The following CASK variants were observed in gnomAD, a reference collection of about 807,000 sequenced individuals.
The protein encoded by CASK is peripheral plasma membrane protein CASK.
A neutral mutation model predicts 82.9 loss-of-function variants in CASK; 4 were observed. The observed-to-expected ratio is 0.05, with a 90% CI of 0.02 to 0.11. CASK has a LOEUF of 0.11. Among genes scored for constraint, CASK ranks in the 10% least tolerant of loss-of-function variants. The pLI is 1.00. For missense variants in CASK, 358 were observed against 720.9 expected, an observed-to-expected ratio of 0.50 and a Z score of 5.76; for synonymous variants, 259 against 253.5, an observed-to-expected ratio of 1.02 and a Z score of -0.20.
rs564509298 is a variant in CASK, at chrX:41,803,413, C to T, written c.173-16130G>A. ...GACCAGCGTGGCCAACATAGTGAAA[C>T]GCCATCTCTACTAAAAATATTAAAA... is the stretch of plus-strand genomic sequence containing the variant. On this transcript the variant is annotated intron_variant, in intron 2 of 26. Coordinates refer to ENST00000378163, the MANE Select transcript of CASK (RefSeq NM_001367721.1). 6.3e-5 allele frequency among the ~76,000 whole-genome samples: 7 copies of T among 110,925 alleles called. No homozygotes were observed. In the South Asian group the frequency reaches 1.5e-3, roughly 25 times the overall value.
At chrX:41,648,787 A>G (rs2147419444) in intron 8 of CASK, among the ~76,000 whole-genome samples, 1 of 111,349 alleles carries the variant, frequency 9.0e-6, no homozygotes, top group South Asian at 3.8e-4. Context: ...GTTAGGGAGG[A>G]TTCCCTCTTT....
chrX:41,663,077 A>T (rs949355622), intron 7 of CASK, among the ~76,000 whole-genome samples: 1 of 110,506 alleles, frequency 9.0e-6, no homozygotes, highest in Non-Finnish European at 1.9e-5. Context: ...AGCTCAAGTG[A>T]GCCCAGCTGA....
At chrX:41,815,040 AAC>A (rs939313968) in intron 2 of CASK, among the ~76,000 whole-genome samples, 5 of 111,338 alleles carry the variant, frequency 4.5e-5, no homozygotes, top group African/African-American at 1.6e-4. Flanking sequence ...GAGTAGAGAA[AAC>A]AGAGATTATG....
At chrX:41,746,616 AG>A (rs1362134398) in intron 3 of CASK, among the ~76,000 whole-genome samples, 1 of 112,037 alleles carries the variant, frequency 8.9e-6, no homozygotes, top group African/African-American at 3.2e-5. Context: ...TAATGCTTTA[AG>A]GCTTATAACA....
At chrX:41,854,989 G>A (rs913083505) in intron 1 of CASK, among the ~76,000 whole-genome samples, 4 of 111,511 alleles carry the variant, frequency 3.6e-5, no homozygotes, top group African/African-American at 1.3e-4. Context: ...TAAACCCTTG[G>A]GACTCTATTT....
chrX:41,649,407 C>G (rs2066824078), intron 8 of CASK, among the ~76,000 whole-genome samples: 1 of 111,702 alleles, frequency 9.0e-6, no homozygotes, highest in South Asian at 3.8e-4. Context: ...TATAAATTTC[C>G]CACTACACCC....
At chrX:41,652,295 G>A (rs1033169746) in intron 8 of CASK, among the ~76,000 whole-genome samples, 5 of 111,507 alleles carry the variant, frequency 4.5e-5, no homozygotes, top group African/African-American at 1.3e-4. Flanking sequence ...TACCTAGGGG[G>A]AGAGGCCTGG....
chrX:41,912,881 T>C (rs899349052), intron 1 of CASK, among the ~76,000 whole-genome samples: 1 of 107,325 alleles, frequency 9.3e-6, no homozygotes, highest in Non-Finnish European at 1.9e-5. Flanking sequence ...TAAAGTAATA[T>C]ATGTGACTTT....
intron 3 of CASK, among the ~76,000 whole-genome samples, chrX:41,784,641 G>T (rs777797813): frequency 8.9e-6 from 1 of 111,785 alleles, no homozygotes; most frequent in African/African-American, 3.2e-5. Context: ...ACTTTGGGAG[G>T]CCGAGGCGGG....
chrX:41,613,224 A>G (rs769422340), intron 11 of CASK, among the ~76,000 whole-genome samples: 1,107 of 110,663 alleles, frequency 0.01, 13 homozygotes, highest in Middle Eastern at 0.033. Context: ...GAGAAATCGG[A>G]TGGTTGCCGT....
At chrX:41,648,149 G>GT (rs2066795119) in intron 8 of CASK, among the ~76,000 whole-genome samples, 1 of 111,282 alleles carries the variant, frequency 9.0e-6, no homozygotes, top group African/African-American at 3.3e-5. Context: ...GCACCTAGGA[G>GT]TAAGTCTTTG....
At chrX:41,621,208 T>C (rs988622892) in intron 11 of CASK, among the ~76,000 whole-genome samples, 2 of 111,109 alleles carry the variant, frequency 1.8e-5, no homozygotes, top group Non-Finnish European at 3.8e-5. Context: ...GTGGGCAGCC[T>C]CTAAGATGGG....
At chrX:41,606,620 G>T (rs781245308) in intron 12 of CASK, among the ~76,000 whole-genome samples, 4 of 111,337 alleles carry the variant, frequency 3.6e-5, no homozygotes, top group Non-Finnish European at 5.7e-5. Flanking sequence ...ATTGTCCAGG[G>T]CTCGGCCTCA....
intron 5 of CASK, chrX:41,676,177 G>A: frequency 8.7e-7 from 1 of 1,152,746 alleles, no homozygotes; most frequent in Non-Finnish European, 1.2e-6. Flanking sequence ...AAGCACTGGG[G>A]ATCAAGAACT....
chrX:41,830,891 T>G (rs1259372626), intron 2 of CASK, among the ~76,000 whole-genome samples: 1 of 109,986 alleles, frequency 9.1e-6, no homozygotes, highest in Non-Finnish European at 1.9e-5. Context: ...ATAGCCCAGC[T>G]TTGTAGTCCT....
chrX:41,637,378 CTTTTTTTT>C (rs758261036), intron 8 of CASK, among the ~76,000 whole-genome samples: 5 of 36,891 alleles, frequency 1.4e-4, no homozygotes, highest in East Asian at 1.1e-3. Flanking sequence ...TTAGGACACG[CTTTTTTTT>C]TTTTTTTTTT....
At chrX:41,627,929 G>A (rs1006880651) in intron 9 of CASK, among the ~76,000 whole-genome samples, 3 of 111,533 alleles carry the variant, frequency 2.7e-5, no homozygotes, top group Admixed American at 9.5e-5. Flanking sequence ...GCTTGAACCC[G>A]GGAGGCAGAG....
At chrX:41,770,327 T>A (rs945359160) in intron 3 of CASK, among the ~76,000 whole-genome samples, 16 of 107,430 alleles carry the variant, frequency 1.5e-4, no homozygotes, top group Non-Finnish European at 2.9e-4. Context: ...CATCCATCCA[T>A]CCATCCATCC....
intron 2 of CASK, among the ~76,000 whole-genome samples, chrX:41,852,307 T>G (rs961485651): frequency 2.7e-5 from 3 of 111,480 alleles, no homozygotes; most frequent in African/African-American, 9.7e-5. Context: ...TGCCCTAGAT[T>G]TTCCAATCTA....
Sources: allele counts gnomAD v4.1 joint callset (sites outside exome capture counted in the v4.1 genomes callset), GRCh38; gene constraint gnomAD v4.1.1; transcripts MANE v1.5; gene names NCBI Gene and HGNC (gene_info 2026-07-23, HGNC 2026-07-21).